Variants in CA5B observed in about 807,000 individuals in gnomAD.
CA5B encodes the protein carbonic anhydrase 5B, mitochondrial.
Under a neutral mutation model 23.1 loss-of-function variants are expected in CA5B, and 15 were observed. The observed-to-expected ratio is 0.65, with a 90% CI of 0.43 to 1.00. The LOEUF (loss-of-function observed/expected upper bound fraction) is 1.00, where lower values mean the gene tolerates loss of function less well. Ranked by LOEUF, CA5B falls within the 50% of genes least tolerant of loss-of-function variation. The pLI is 0.00. For missense variants in CA5B, 236 were observed against 252.2 expected (o/e 0.94, Z 0.43); for synonymous variants, 84 against 98.5 (o/e 0.85, Z 0.87).
At chrX:15,772,840 G>C (rs770393677) in intron 4 of CA5B, among the ~76,000 whole-genome samples, 2 of 112,070 alleles carry the variant, frequency 1.8e-5, no homozygotes, top group Non-Finnish European at 3.8e-5. Context: ...AATTCTTCTG[G>C]AATTCGAAAG....
chrX:15,766,542 CGTT>C (rs1460547040), intron 3 of CA5B, among the ~76,000 whole-genome samples: 18 of 110,895 alleles, frequency 1.6e-4, no homozygotes, highest in Non-Finnish European at 3.2e-4. Flanking sequence ...CCTTTTTTTG[CGTT>C]GTTATTTATT....
intron 3 of CA5B, among the ~76,000 whole-genome samples, chrX:15,770,608 C>T (rs1179239872): frequency 1.8e-5 from 2 of 110,044 alleles, no homozygotes; most frequent in Non-Finnish European, 3.8e-5. Context: ...ACTATATTTC[C>T]TTCTTTCCTG....
At position 15,739,220 on chromosome X, in the gene CA5B, C is replaced by T. The variant is rs982203068; in HGVS notation, c.-54+868C>T. Among the ~76,000 whole-genome samples, 9 of 111,687 alleles carry T rather than the reference C, an allele frequency of 8.1e-5. 1 individual carries two copies. The highest frequency in any genetic ancestry group is 1.7e-4 in the Non-Finnish European group (9 of 53,182). On this transcript the variant is annotated intron_variant, in intron 1 of 7. Coordinates refer to ENST00000318636, the MANE Select transcript of CA5B (RefSeq NM_007220.4). ...TTGTTCTCTCCTAGCCACTGAAAAC[C>T]GCGTTGCTTTCTGCTTCCCATTCTT...
chrX:15,778,095 T>A (rs1478300949), intron 7 of CA5B, among the ~76,000 whole-genome samples: 1 of 111,663 alleles, frequency 9.0e-6, no homozygotes, highest in Non-Finnish European at 1.9e-5. Flanking sequence ...AAAGATATAA[T>A]GTAAGAAAGG....
intron 2 of CA5B, among the ~76,000 whole-genome samples, chrX:15,763,217 C>T (rs1931640416): frequency 8.9e-6 from 1 of 112,115 alleles, no homozygotes; most frequent in African/African-American, 3.2e-5. Flanking sequence ...GCTACGCAAG[C>T]CTTTTTTTCT....
chrX:15,753,865 G>A lies in CA5B; in HGVS notation c.142+3700G>A, dbSNP rs767142917. ...CAGAGGTTCCAGGTGAGCTGAGATC[G>A]TGCCATTGCACTCCAGCCTGGGCGA... On this transcript the variant is annotated intron_variant, in intron 2 of 7. Coordinates refer to ENST00000318636, the MANE Select transcript of CA5B (RefSeq NM_007220.4). Among the ~76,000 whole-genome samples the A allele has an allele frequency of 1.3e-4, 15 of 112,261 alleles. No homozygotes were observed. The East Asian group carries it at 2.8e-3, about 21-fold the overall frequency.
At chrX:15,755,569 T>A (rs184638833) in intron 2 of CA5B, among the ~76,000 whole-genome samples, 1 of 112,275 alleles carries the variant, frequency 8.9e-6, no homozygotes, top group East Asian at 2.8e-4. Context: ...AAAAAGCACA[T>A]GAGGGTATAA....
chrX:15,776,594 G>A (rs1931935095), intron 6 of CA5B, 120 bp from the exon 7 acceptor site: 1 of 518,031 alleles, frequency 1.9e-6, no homozygotes, highest in South Asian at 3.2e-5. Flanking sequence ...AGAAAGGCCT[G>A]GAGCTGCTCT....
At chrX:15,769,650 T>C (rs1421001435) in intron 3 of CA5B, 14 of 696,816 alleles carry the variant, frequency 2.0e-5, no homozygotes, top group Non-Finnish European at 2.2e-5. Context: ...CTGTTTTAGG[T>C]CCTACATTTA....
intron 7 of CA5B, among the ~76,000 whole-genome samples, chrX:15,779,010 T>G (rs1931976975): frequency 9.0e-6 from 1 of 111,449 alleles, no homozygotes; most frequent in Admixed American, 9.6e-5. Flanking sequence ...ACCTTAACTC[T>G]ATAACCCTAT....
At chrX:15,768,972 G>C (rs1312480240) in intron 3 of CA5B, 1 of 111,689 alleles carries the variant, frequency 9.0e-6, no homozygotes, top group Non-Finnish European at 1.9e-5. Context: ...TGCAGCTAAA[G>C]CAGTGCTTAG....
At chrX:15,747,341 A>C (rs147113036) in intron 1 of CA5B, among the ~76,000 whole-genome samples, 324 of 111,816 alleles carry the variant, frequency 2.9e-3, no homozygotes, top group Middle Eastern at 0.014. Flanking sequence ...CTCATAGGTT[A>C]CGGGTTTTTC....
chrX:15,748,770 C>T (rs1206641685), intron 1 of CA5B, among the ~76,000 whole-genome samples: 2 of 90,841 alleles, frequency 2.2e-5, no homozygotes, highest in African/African-American at 8.4e-5. Flanking sequence ...CAGGGATGGT[C>T]GGGCACAGTG....
chrX:15,762,312 G>A (rs1013495786), intron 2 of CA5B, among the ~76,000 whole-genome samples: 3 of 110,528 alleles, frequency 2.7e-5, no homozygotes, highest in South Asian at 3.9e-4. Flanking sequence ...AGCAATTACC[G>A]AAGGAAGAGG....
chrX:15,769,766 A>G (rs749723739), intron 3 of CA5B: 173 of 184,910 alleles, frequency 9.4e-4, no homozygotes, highest in African/African-American at 5.2e-3. Context: ...TAATTTTAAA[A>G]CATTTCCATC....
At chrX:15,775,678 C>T (rs753962651) in intron 6 of CA5B, 1 of 765,966 alleles carries the variant, frequency 1.3e-6, no homozygotes, top group Non-Finnish European at 1.5e-6. Context: ...TTGCCTTGTC[C>T]AGCTAGAAAG....
chrX:15,776,574 G>C, intron 6 of CA5B, 140 bp from the exon 7 acceptor site: 1 of 456,719 alleles, frequency 2.2e-6, no homozygotes, highest in Non-Finnish European at 3.8e-6. Flanking sequence ...GATTCTTCAG[G>C]TAGCTGCCCA....
At chrX:15,747,884 T>C (rs1357647971) in intron 1 of CA5B, among the ~76,000 whole-genome samples, 1 of 107,652 alleles carries the variant, frequency 9.3e-6, no homozygotes, top group African/African-American at 3.7e-5. Flanking sequence ...GAAAGTTTAA[T>C]AGGCAGAAGA....
chrX:15,751,302 T>A (rs1223254288), intron 2 of CA5B, among the ~76,000 whole-genome samples: 1 of 112,306 alleles, frequency 8.9e-6, no homozygotes, highest in Non-Finnish European at 1.9e-5. Context: ...GTAATGCTAA[T>A]CTAGCTACAT....
Sources: allele counts gnomAD v4.1 joint callset (sites outside exome capture counted in the v4.1 genomes callset), GRCh38; gene constraint gnomAD v4.1.1; transcripts MANE v1.5; gene names NCBI Gene and HGNC (gene_info 2026-07-23, HGNC 2026-07-21).